PDE4D: variants seen among roughly 807,000 people sequenced by gnomAD.
PDE4D encodes phosphodiesterase 4D.
PDE4D carries 24 observed loss-of-function variants against 87.4 expected under a neutral mutation model. That is an observed-to-expected ratio of 0.27 (90% CI 0.20 to 0.39). The LOEUF is 0.39. PDE4D is among the 10% of genes least tolerant of loss of function. The pLI is 1.00. For synonymous variants in PDE4D, 384 were observed against 383.2 expected, an observed-to-expected ratio of 1.00 and a Z score of -0.02; for missense variants, 714 against 1,041.0, an observed-to-expected ratio of 0.69 and a Z score of 4.32.
At chr5:60,346,362 A>C (rs1316350020) in intron 1 of PDE4D, among the ~76,000 whole-genome samples, 1 of 152,192 alleles carries the variant, frequency 6.6e-6, no homozygotes, top group African/African-American at 2.4e-5. Context: ...ACATTCAGAA[A>C]GCAATAGGCA....
chr5:59,354,217 A>G (rs1780980791), intron 1 of PDE4D, among the ~76,000 whole-genome samples: 1 of 152,186 alleles, frequency 6.6e-6, no homozygotes, highest in South Asian at 2.1e-4. Flanking sequence ...CAATGAAGAA[A>G]TGTTGTCCAA....
chr5:60,205,615 G>A (rs1367703820), intron 1 of PDE4D, among the ~76,000 whole-genome samples: 16 of 152,068 alleles, frequency 1.1e-4, no homozygotes, highest in Admixed American at 1.0e-3. Context: ...GTGGGGCATG[G>A]TGGCTCACGC....
rs150506867 is a variant in PDE4D, at chr5:60,127,793, G to A, written c.42+57764C>T. 463 of 472,850 alleles carry A rather than the reference G, an allele frequency of 9.8e-4. 2 individuals are homozygous for A. The highest frequency in any genetic ancestry group is 7.9e-3 in the African/African-American group (400 of 50,810). 29.3% of individuals were successfully genotyped at this position (472,850 alleles called of 1,614,324 possible). The stretch of plus-strand genomic sequence containing the variant: ...GTAGGATATACAGGTCTGAGTTCCA[G>A]AGGACAAATATGGGCTGAATATACA... On this transcript the variant is annotated intron_variant, in intron 2 of 16. Transcript: ENST00000502484.
chr5:59,586,263 C>A, intron 1 of PDE4D: 2 of 1,219,296 alleles, frequency 1.6e-6, no homozygotes, highest in African/African-American at 1.5e-5. Context: ...AAATCCTCAT[C>A]TGGTACCTGT....
At chr5:59,153,279 A>C (rs1779707708) in intron 5 of PDE4D, among the ~76,000 whole-genome samples, 1 of 152,162 alleles carries the variant, frequency 6.6e-6, no homozygotes, top group Non-Finnish European at 1.5e-5. Context: ...GCTTTTCTTA[A>C]ATGCTACTCG....
intron 5 of PDE4D, among the ~76,000 whole-genome samples, chr5:59,078,149 T>G (rs972821281): frequency 6.6e-6 from 1 of 152,192 alleles, no homozygotes; most frequent in South Asian, 2.1e-4. Flanking sequence ...CAAGGAAGTA[T>G]GCACGACAAT....
rs1770579396 is a variant in PDE4D at position 60,054,618 on chromosome 5, G to A, written c.43-65901C>T. Among the ~76,000 whole-genome samples, 5 of 151,898 alleles carry A rather than the reference G, an allele frequency of 3.3e-5. No homozygotes were observed. The South Asian group carries it at 1.0e-3, about 32-fold the overall frequency. The stretch of plus-strand genomic sequence containing the variant: ...TTGGTGTGGCAAACCACCAAGGTAT[G>A]TTTATACCTATGTAGCAAACCTGCA... On this transcript the variant is annotated intron_variant, in intron 2 of 16. Transcript: ENST00000502484.
rs561424812 is a variant in PDE4D, at chr5:60,293,434, A to AAC, written c.-89-107749_-89-107748dup. Among the ~76,000 whole-genome samples, 20 of 152,190 alleles carry AAC rather than the reference A, an allele frequency of 1.3e-4. No homozygotes were observed. The South Asian group carries it at 4.0e-3, about 30-fold the overall frequency. ...GAGGCTGAGGCAGGAGAATCGCTTG[A>AAC]ACCTGAGAGGCGGAGGTTGCAGTGA... On this transcript the variant is annotated intron_variant, in intron 1 of 16. Transcript: ENST00000502484.
intron 5 of PDE4D, among the ~76,000 whole-genome samples, chr5:59,090,277 CCT>C (rs1768453771): frequency 6.6e-6 from 1 of 152,030 alleles, no homozygotes; most frequent in Non-Finnish European, 1.5e-5. Context: ...GATGAATACA[CCT>C]CATGTTTCAC....
chr5:60,399,023 AT>A (rs1763090397), intron 1 of PDE4D, among the ~76,000 whole-genome samples: 1 of 152,198 alleles, frequency 6.6e-6, no homozygotes, highest in Non-Finnish European at 1.5e-5. Flanking sequence ...GAGATCTATA[AT>A]TTGATTATTT....
chr5:59,551,168 G>A (rs575072425), intron 1 of PDE4D, among the ~76,000 whole-genome samples: 33 of 151,252 alleles, frequency 2.2e-4, no homozygotes, highest in Non-Finnish European at 3.4e-4. Context: ...ATGCTTTCTC[G>A]CTCTAGTGAT....
At chr5:59,974,472 T>G (rs1168589854) in intron 3 of PDE4D, among the ~76,000 whole-genome samples, 1 of 152,168 alleles carries the variant, frequency 6.6e-6, no homozygotes, top group Non-Finnish European at 1.5e-5. Flanking sequence ...AACAGCTGAG[T>G]AATCTGGAAG....
intron 1 of PDE4D, among the ~76,000 whole-genome samples, chr5:59,853,430 T>C (rs926823697): frequency 6.6e-6 from 1 of 152,048 alleles, no homozygotes; most frequent in Non-Finnish European, 1.5e-5. Flanking sequence ...AATTTTGAAA[T>C]AAAAAAGTGA....
At chr5:60,516,400 C>T (rs950147643) in intron 1 of PDE4D, among the ~76,000 whole-genome samples, 1 of 152,192 alleles carries the variant, frequency 6.6e-6, no homozygotes, top group Admixed American at 6.5e-5. Context: ...GTCTGGAGGA[C>T]ACCTGTCTCT....
At chr5:59,776,658 T>C (rs982753554) in intron 1 of PDE4D, among the ~76,000 whole-genome samples, 2 of 152,182 alleles carry the variant, frequency 1.3e-5, no homozygotes, top group African/African-American at 4.8e-5. Flanking sequence ...TAATTTAATA[T>C]TTGAAATCAA....
intron 1 of PDE4D, among the ~76,000 whole-genome samples, chr5:59,727,544 G>A (rs567885092): frequency 6.6e-6 from 1 of 152,094 alleles, no homozygotes; most frequent in East Asian, 1.9e-4. Context: ...CAAATCAGTG[G>A]TTAGAACATA....
chr5:60,299,861 T>C (rs765544611), intron 1 of PDE4D, among the ~76,000 whole-genome samples: 1 of 152,254 alleles, frequency 6.6e-6, no homozygotes, highest in South Asian at 2.1e-4. Context: ...GTGATGAACA[T>C]ACACATGTAT....
intron 1 of PDE4D, among the ~76,000 whole-genome samples, chr5:60,327,332 T>C (rs561878235): frequency 6.6e-6 from 1 of 152,314 alleles, no homozygotes; most frequent in South Asian, 2.1e-4. Flanking sequence ...GGTCTGTGTG[T>C]ACAGGATTCT....
At chr5:59,901,989 C>T (rs1053945889) in intron 3 of PDE4D, among the ~76,000 whole-genome samples, 2 of 147,918 alleles carry the variant, frequency 1.4e-5, no homozygotes, top group Non-Finnish European at 3.0e-5. Flanking sequence ...GAGACATGCA[C>T]CAGACTGTTC....
Sources: gnomAD v4.1 joint callset for allele counts (sites outside exome capture counted in the v4.1 genomes callset) on GRCh38, gnomAD v4.1.1 for gene constraint, MANE v1.5 for transcripts, NCBI Gene and HGNC (gene_info 2026-07-23, HGNC 2026-07-21) for gene names.